Variants in B3GALT1 observed in about 807,000 individuals in gnomAD.
B3GALT1 encodes UDP-Gal:betaGlcNAc beta 1,3-galactosyltransferase, polypeptide 1.
A neutral mutation model predicts 23.2 loss-of-function variants in B3GALT1; 10 were observed. That is an observed-to-expected ratio of 0.43 (90% CI 0.27 to 0.73). B3GALT1 has a LOEUF of 0.73. Ranked by LOEUF, B3GALT1 falls within the 30% of genes least tolerant of loss-of-function variation. The pLI is 0.21. For synonymous variants in B3GALT1, 156 were observed against 141.5 expected, an observed-to-expected ratio of 1.10 and a Z score of -0.73; for missense variants, 299 against 405.4, an observed-to-expected ratio of 0.74 and a Z score of 2.25.
intron 2 of B3GALT1, among the ~76,000 whole-genome samples, chr2:167,607,503 G>A (rs1684986058): frequency 6.6e-6 from 1 of 152,164 alleles, no homozygotes; most frequent in African/African-American, 2.4e-5. Flanking sequence ...TGTATGCCCA[G>A]GAGTACTGTG....
At chr2:167,404,515 A>G (rs1027104970) in intron 1 of B3GALT1, among the ~76,000 whole-genome samples, 8 of 152,216 alleles carry the variant, frequency 5.3e-5, no homozygotes, top group African/African-American at 1.9e-4. Context: ...TCTATTCAGT[A>G]TAACTCGTTT....
At chr2:167,582,045 C>T (rs1372128672) in intron 2 of B3GALT1, among the ~76,000 whole-genome samples, 1 of 152,134 alleles carries the variant, frequency 6.6e-6, no homozygotes, top group East Asian at 1.9e-4. Flanking sequence ...TAGCTCCTCT[C>T]CAATGAACTG....
chr2:167,466,387 G>T (rs1394821732), intron 1 of B3GALT1, among the ~76,000 whole-genome samples: 1 of 151,976 alleles, frequency 6.6e-6, no homozygotes, highest in South Asian at 2.1e-4. Flanking sequence ...GGAGGCTGAG[G>T]AGGGTGGATC....
intron 3 of B3GALT1, among the ~76,000 whole-genome samples, chr2:167,775,047 G>A (rs1050723808): frequency 2.6e-5 from 4 of 152,114 alleles, no homozygotes; most frequent in African/African-American, 9.7e-5. Flanking sequence ...CCCTTGGAAA[G>A]TCATTAAAAT....
At chr2:167,735,999 G>T (rs1687485721) in intron 3 of B3GALT1, among the ~76,000 whole-genome samples, 1 of 152,166 alleles carries the variant, frequency 6.6e-6, no homozygotes, top group Non-Finnish European at 1.5e-5. Flanking sequence ...CACATTTGCA[G>T]AAATTCTCTG....
At position 167,490,233 on chromosome 2, in the gene B3GALT1, G is replaced by A. The variant is rs568899703; in HGVS notation, c.-454G>A. ...TCCAGGAGTGGAGGGATTTTGTGAA[G>A]ACACAGATGCTCCCTAAAAGGAGTG... On this transcript the variant is annotated 5_prime_UTR_variant, in exon 2 of 5. Transcript: ENST00000392690. 30 of 152,308 alleles carry A rather than the reference G, an allele frequency of 2.0e-4. No homozygotes were observed. The highest frequency in any genetic ancestry group is 6.7e-4 in the African/African-American group (28 of 41,568). The allele number at this position is 152,308 out of a possible 1,614,324, so 9.4% of individuals were successfully genotyped here.
At chr2:167,710,227 T>G (rs1240922476) in intron 3 of B3GALT1, among the ~76,000 whole-genome samples, 1 of 152,172 alleles carries the variant, frequency 6.6e-6, no homozygotes, top group African/African-American at 2.4e-5. Flanking sequence ...AATACAGAAT[T>G]AAGTGTAGGA....
intron 2 of B3GALT1, among the ~76,000 whole-genome samples, chr2:167,596,439 C>T (rs181305297): frequency 6.6e-6 from 1 of 152,290 alleles, no homozygotes; most frequent in East Asian, 1.9e-4. Flanking sequence ...ATTAAATGCA[C>T]AACCTTAGAA....
chr2:167,651,747 T>C (rs57314325), intron 3 of B3GALT1, among the ~76,000 whole-genome samples: 11,876 of 152,212 alleles, frequency 0.078, 1,210 homozygotes, highest in African/African-American at 0.24. Flanking sequence ...CTGAGTTCAA[T>C]AGTGCAGTTG....
chr2:167,375,354 G>C (rs1427859016), intron 1 of B3GALT1, among the ~76,000 whole-genome samples: 2 of 151,702 alleles, frequency 1.3e-5, no homozygotes, highest in African/African-American at 4.8e-5. Flanking sequence ...TTTTAGCATA[G>C]TTTTTTTTCC....
chr2:167,726,263 A>G (rs1687313658), intron 3 of B3GALT1, among the ~76,000 whole-genome samples: 1 of 152,152 alleles, frequency 6.6e-6, no homozygotes, highest in African/African-American at 2.4e-5. Flanking sequence ...AATGGAACCT[A>G]TGTTTTTCAA....
intron 2 of B3GALT1, among the ~76,000 whole-genome samples, chr2:167,579,421 T>G (rs574304960): frequency 6.3e-4 from 72 of 115,084 alleles, no homozygotes; most frequent in South Asian, 1.7e-3. Flanking sequence ...TTTGGTTTTG[T>G]TTTTTTTTGT....
At chr2:167,467,566 T>C (rs1227778884) in intron 1 of B3GALT1, among the ~76,000 whole-genome samples, 1 of 152,090 alleles carries the variant, frequency 6.6e-6, no homozygotes, top group Non-Finnish European at 1.5e-5. Flanking sequence ...ACTGGCAGAG[T>C]TGTGTTCCTT....
At chr2:167,370,969 G>T (rs1697675400) in intron 1 of B3GALT1, among the ~76,000 whole-genome samples, 1 of 152,116 alleles carries the variant, frequency 6.6e-6, no homozygotes, top group Non-Finnish European at 1.5e-5. Context: ...TTGATCAATT[G>T]CATGAAACAA....
chr2:167,364,600 G>C (rs533944643), intron 1 of B3GALT1, among the ~76,000 whole-genome samples: 6 of 152,144 alleles, frequency 3.9e-5, no homozygotes, highest in Admixed American at 1.3e-4. Flanking sequence ...TTGGTTTTCT[G>C]TCCTTGCGAT....
At chr2:167,730,616 G>A (rs151015546) in intron 3 of B3GALT1, among the ~76,000 whole-genome samples, 3 of 152,242 alleles carry the variant, frequency 2.0e-5, no homozygotes, top group Non-Finnish European at 4.4e-5. Context: ...TCCAGACCCC[G>A]TGTCCTTTAT....
intron 2 of B3GALT1, among the ~76,000 whole-genome samples, chr2:167,502,867 G>A (rs891985685): frequency 3.3e-5 from 5 of 151,844 alleles, no homozygotes; most frequent in African/African-American, 9.7e-5. Context: ...GGTGAAACCC[G>A]GTCTCTACTA....
chr2:167,756,551 C>G (rs774686289), intron 3 of B3GALT1, among the ~76,000 whole-genome samples: 1 of 152,090 alleles, frequency 6.6e-6, no homozygotes, highest in Non-Finnish European at 1.5e-5. Flanking sequence ...AATTTTGGCT[C>G]GGCAGGCTAG....
At chr2:167,539,767 T>C (rs1011013037) in intron 2 of B3GALT1, among the ~76,000 whole-genome samples, 11 of 152,094 alleles carry the variant, frequency 7.2e-5, no homozygotes, top group Non-Finnish European at 1.5e-4. Context: ...GAAGATAATA[T>C]AATTTGGTAT....
Sources: gnomAD v4.1 joint callset for allele counts (sites outside exome capture counted in the v4.1 genomes callset) on GRCh38, gnomAD v4.1.1 for gene constraint, MANE v1.5 for transcripts, NCBI Gene and HGNC (gene_info 2026-07-23, HGNC 2026-07-21) for gene names.